The following RIMS2 variants were observed in gnomAD, a reference collection of about 807,000 sequenced individuals.
The protein encoded by RIMS2 is regulating synaptic membrane exocytosis 2, also known as regulating synaptic membrane exocytosis protein 2.
RIMS2 carries 59 observed loss-of-function variants against 174.4 expected under a neutral mutation model. That is an observed-to-expected ratio of 0.34 (90% CI 0.27 to 0.42). The LOEUF (loss-of-function observed/expected upper bound fraction) is 0.42, where lower values mean the gene tolerates loss of function less well. Ranked by LOEUF, RIMS2 falls within the 10% of genes least tolerant of loss-of-function variation. RIMS2 has a pLI of 1.00. For missense variants in RIMS2, 1,620 were observed against 1,666.3 expected, an observed-to-expected ratio of 0.97 and a Z score of 0.48; for synonymous variants, 606 against 572.5, an observed-to-expected ratio of 1.06 and a Z score of -0.84.
chr8:103,553,034 G>A (rs561756998), intron 1 of RIMS2, among the ~76,000 whole-genome samples: 4 of 152,192 alleles, frequency 2.6e-5, no homozygotes, highest in Non-Finnish European at 5.9e-5. Flanking sequence ...GGAAGACAGC[G>A]TGGTGATTCC....
At chr8:104,180,249 T>C (rs2098932190) in intron 19 of RIMS2, among the ~76,000 whole-genome samples, 1 of 151,864 alleles carries the variant, frequency 6.6e-6, no homozygotes, top group South Asian at 2.1e-4. Context: ...TTGAAAAATA[T>C]TGCAAATTAC....
In RIMS2 at chr8:104,169,030, G is replaced by C. The variant is rs2098814976; in HGVS notation, c.3335-75886G>C. ...TCGTAGTGTATTATCTTTTTGATAT[G>C]CTGTTGGATTTGGTCAGCTAGTATT... On this transcript the variant is annotated intron_variant, in intron 19 of 23. Coordinates refer to ENST00000504942, the Ensembl canonical transcript of RIMS2. Among the ~76,000 whole-genome samples the C allele has an allele frequency of 3.9e-5, 6 of 152,048 alleles. No homozygotes were observed. The South Asian group carries it at 1.2e-3, about 32-fold the overall frequency.
At chr8:104,005,946 G>A (rs1417718831) in intron 17 of RIMS2, among the ~76,000 whole-genome samples, 4 of 151,930 alleles carry the variant, frequency 2.6e-5, no homozygotes, top group Admixed American at 6.6e-5. Context: ...TACGTAGACT[G>A]TTTTCTTAAA....
At chr8:104,252,186 A>G, downstream of RIMS2, 1 of 241,280 alleles carries the variant, frequency 4.1e-6, no homozygotes, top group Non-Finnish European at 8.1e-6. Flanking sequence ...CTAACCCCAA[A>G]GCCCTGATAT....
chr8:103,571,768 G>C (rs2092826428), intron 1 of RIMS2, among the ~76,000 whole-genome samples: 1 of 152,204 alleles, frequency 6.6e-6, no homozygotes, highest in South Asian at 2.1e-4. Flanking sequence ...TGGATTCAGA[G>C]CCTCAGAGAA....
Position 103,967,170 on chromosome 8 carries a change from G to GTTTTTTTTTTTTTTTTTTT in RIMS2, c.2770+6049_2770+6067dup, listed in dbSNP as rs71575988. On this transcript the variant is annotated intron_variant, in intron 15 of 23. Coordinates refer to ENST00000504942, the Ensembl canonical transcript of RIMS2. ...TTTTCTGCCTGCTTGATCTGTTCTT[G>GTTTTTTTTTTTTTTTTTTT]TTTTTTTTTTTTTTTTTTTTTTTTT... is the stretch of plus-strand genomic sequence containing the variant. Among the ~76,000 whole-genome samples, 4 of 24,962 alleles carry GTTTTTTTTTTTTTTTTTTT rather than the reference G, an allele frequency of 1.6e-4. 1 individual carries two copies. Among genetic ancestry groups the GTTTTTTTTTTTTTTTTTTT allele is most frequent in the African/African-American group, 6.3e-4 (3 of 4,738 alleles). 16.4% of individuals were successfully genotyped at this position (24,962 alleles called of 152,430 possible). A position where few individuals can be genotyped will look rare whatever the true frequency, so the allele number is the denominator to read the frequency against.
intron 1 of RIMS2, among the ~76,000 whole-genome samples, chr8:103,511,068 A>G (rs1826224920): frequency 6.6e-6 from 1 of 152,178 alleles, no homozygotes. Context: ...ATAGTTTATA[A>G]TACTATATTG....
chr8:103,984,255 A>C (rs1342041120), intron 16 of RIMS2, among the ~76,000 whole-genome samples: 1 of 152,192 alleles, frequency 6.6e-6, no homozygotes, highest in Non-Finnish European at 1.5e-5. Flanking sequence ...GAAATAATGA[A>C]GATACAACCC....
chr8:103,915,681 CA>C, intron 7 of RIMS2, 87 bp downstream of exon 10: 2 of 582,434 alleles, frequency 3.4e-6, no homozygotes, highest in Middle Eastern at 4.1e-4. Flanking sequence ...AGTGATTTGA[CA>C]ATAACAAAGA....
At chr8:103,717,930 T>G (rs1368128407) in intron 2 of RIMS2, among the ~76,000 whole-genome samples, 2 of 152,210 alleles carry the variant, frequency 1.3e-5, no homozygotes, top group African/African-American at 4.8e-5. Context: ...ATTTTAAATT[T>G]TCTTTAATTT....
At chr8:103,659,033 G>T (rs1453199393) in intron 1 of RIMS2, among the ~76,000 whole-genome samples, 2 of 152,198 alleles carry the variant, frequency 1.3e-5, no homozygotes, top group Non-Finnish European at 2.9e-5. Context: ...AATGCTGATA[G>T]AAATCGAAGA....
At chr8:103,540,061 A>G (rs931805815) in intron 1 of RIMS2, among the ~76,000 whole-genome samples, 1 of 152,100 alleles carries the variant, frequency 6.6e-6, no homozygotes, top group African/African-American at 2.4e-5. Context: ...ATCATGTACT[A>G]TTTCCAATAT....
chr8:104,131,431 A>G (rs1337005710), intron 19 of RIMS2, among the ~76,000 whole-genome samples: 1 of 152,164 alleles, frequency 6.6e-6, no homozygotes, highest in Non-Finnish European at 1.5e-5. Flanking sequence ...TAGTCTGAGG[A>G]GAAAATATAT....
intron 3 of RIMS2, among the ~76,000 whole-genome samples, chr8:103,860,657 G>C (rs982625656): frequency 2.6e-5 from 4 of 151,682 alleles, no homozygotes; most frequent in Admixed American, 2.0e-4. Context: ...CATACACTAG[G>C]AGGTAAACTA....
intron 1 of RIMS2, among the ~76,000 whole-genome samples, chr8:103,696,598 G>A (rs573540539): frequency 1.5e-3 from 225 of 152,148 alleles, no homozygotes; most frequent in African/African-American, 5.2e-3. Context: ...TGGGTATGGT[G>A]GCTCAGGTCT....
At chr8:103,568,670 TAAAC>T (rs1214021376) in intron 1 of RIMS2, 1 of 672,368 alleles carries the variant, frequency 1.5e-6, no homozygotes, top group Non-Finnish European at 2.8e-6. Context: ...TTTCCCTAGA[TAAAC>T]AATATGTAGC....
At chr8:104,006,419 G>A (rs1364455506) in intron 17 of RIMS2, among the ~76,000 whole-genome samples, 1 of 151,966 alleles carries the variant, frequency 6.6e-6, no homozygotes, top group Non-Finnish European at 1.5e-5. Flanking sequence ...GCGTGGTGGT[G>A]CATGCCTGTA....
At chr8:104,044,059 G>C (rs537780816) in intron 19 of RIMS2, among the ~76,000 whole-genome samples, 3 of 151,734 alleles carry the variant, frequency 2.0e-5, no homozygotes, top group Admixed American at 1.3e-4. Flanking sequence ...ATTTTGAGCG[G>C]CTTCCCCTCA....
At chr8:104,250,112 T>C (rs555646259) in intron 22 of RIMS2, among the ~76,000 whole-genome samples, 174 of 152,382 alleles carry the variant, frequency 1.1e-3, no homozygotes, top group Admixed American at 2.1e-3. Context: ...ATATTTCAAA[T>C]TGAAATGTCA....
Sources: gnomAD v4.1 joint callset for allele counts (sites outside exome capture counted in the v4.1 genomes callset) on GRCh38, gnomAD v4.1.1 for gene constraint, MANE v1.5 for transcripts, NCBI Gene and HGNC (gene_info 2026-07-23, HGNC 2026-07-21) for gene names.